Variants in STAG1 observed in about 807,000 individuals in gnomAD.
The protein encoded by STAG1 is STAG1 cohesin complex component.
In STAG1, 26 loss-of-function variants were observed where a neutral mutation model predicts 170.9. The observed-to-expected ratio is 0.15, with a 90% CI of 0.11 to 0.21. The LOEUF is 0.21. STAG1 is among the 10% of genes least tolerant of loss of function. The pLI, the probability that STAG1 is intolerant of heterozygous loss-of-function variation, is 1.00. For missense variants in STAG1, 964 were observed against 1,509.5 expected (o/e 0.64, Z 5.99); for synonymous variants, 514 against 497.7 (o/e 1.03, Z -0.44).
At chr3:136,615,846 T>C (rs1387558483) in intron 3 of STAG1, among the ~76,000 whole-genome samples, 5 of 140,908 alleles carry the variant, frequency 3.5e-5, no homozygotes, top group South Asian at 2.4e-4. Context: ...AAGGATGAAA[T>C]AGAAAAAGAC....
chr3:136,695,916 T>G, intron 1 of STAG1, among the ~76,000 whole-genome samples: 1 of 152,110 alleles, frequency 6.6e-6, no homozygotes. Context: ...TCACCTTGGA[T>G]CCCACTTCTG....
At chr3:136,625,866 A>C (rs550589869) in intron 2 of STAG1, among the ~76,000 whole-genome samples, 2 of 152,368 alleles carry the variant, frequency 1.3e-5, no homozygotes, top group Non-Finnish European at 2.9e-5. Context: ...TCTAACTTAT[A>C]TATCTTTAAA....
chr3:136,624,439 A>C (rs1940005095), intron 2 of STAG1, among the ~76,000 whole-genome samples: 2 of 152,226 alleles, frequency 1.3e-5, no homozygotes, highest in Non-Finnish European at 2.9e-5. Context: ...CTGATGAATG[A>C]ATAGGAATTT....
intron 9 of STAG1, among the ~76,000 whole-genome samples, chr3:136,494,971 C>G (rs763045637): frequency 5.3e-5 from 8 of 152,102 alleles, no homozygotes; most frequent in Non-Finnish European, 1.2e-4. Context: ...CAAGCTGACC[C>G]TAAGATTTAT....
At chr3:136,412,821 T>C (rs369369371) in intron 21 of STAG1, among the ~76,000 whole-genome samples, 6 of 149,908 alleles carry the variant, frequency 4.0e-5, no homozygotes, top group African/African-American at 1.5e-4. Context: ...GGTCCTAGGC[T>C]GAAAAAAAAT....
intron 4 of STAG1, among the ~76,000 whole-genome samples, chr3:136,580,884 ATTATTATT>A (rs1466174101): frequency 2.6e-5 from 4 of 151,944 alleles, no homozygotes; most frequent in African/African-American, 9.7e-5. Flanking sequence ...TTCTCATTGA[ATTATTATT>A]TTATTATTTA....
intron 5 of STAG1, among the ~76,000 whole-genome samples, chr3:136,542,898 T>A (rs1238996462): frequency 6.6e-6 from 1 of 152,104 alleles, no homozygotes; most frequent in Non-Finnish European, 1.5e-5. Context: ...AAAAAAAGTT[T>A]CCCGGTATCA....
Position 136,623,155 on chromosome 3 carries a change from G to A in STAG1, c.123C>T (p.Gly41=), listed in dbSNP as rs776335048. 1.2e-6 allele frequency: 2 copies of A among 1,613,100 alleles called. No homozygotes were observed. The highest frequency in any genetic ancestry group is 2.7e-5 in the African/African-American group (2 of 74,872). ...CAAGCATAATACATACTGGAGGCCG[G>A]CCAGGACGACCCCTTTTTCTTTTTC... The part of the protein sequence containing the change: ...VKGKRKRGRP[G]RPPSTNKKPR... The change falls in exon 3 of 34, where the codon GGC becomes GGT. Residue 41 remains glycine, a synonymous_variant. Coordinates refer to ENST00000383202, the MANE Select transcript of STAG1 (RefSeq NM_005862.3).
chr3:136,690,718 G>T (rs1576769022), intron 1 of STAG1, among the ~76,000 whole-genome samples: 3 of 152,092 alleles, frequency 2.0e-5, no homozygotes, highest in African/African-American at 7.2e-5. Context: ...CTGTGAGGAG[G>T]AAGAGTCAGC....
intron 25 of STAG1, among the ~76,000 whole-genome samples, chr3:136,365,233 C>T (rs1296383916): frequency 6.6e-6 from 1 of 152,040 alleles, no homozygotes; most frequent in East Asian, 1.9e-4. Flanking sequence ...TTATTTCCTG[C>T]TAAAGAGAAA....
intron 6 of STAG1, among the ~76,000 whole-genome samples, chr3:136,530,446 TTCA>T (rs1043159813): frequency 6.6e-6 from 1 of 152,178 alleles, no homozygotes; most frequent in African/African-American, 2.4e-5. Flanking sequence ...ATTGGGTGCG[TTCA>T]GGGTGGTATG....
intron 1 of STAG1, among the ~76,000 whole-genome samples, chr3:136,677,962 T>A (rs1942190828): frequency 6.8e-6 from 1 of 147,584 alleles, no homozygotes; most frequent in African/African-American, 2.5e-5. Context: ...TATATGTATA[T>A]AATATATATA....
chr3:136,377,354 T>A (rs1237785034), intron 23 of STAG1, among the ~76,000 whole-genome samples: 1 of 101,132 alleles, frequency 9.9e-6, no homozygotes, highest in African/African-American at 3.9e-5. Flanking sequence ...GCCACTGCAC[T>A]CCAGCCTGGG....
intron 14 of STAG1, among the ~76,000 whole-genome samples, chr3:136,443,613 G>T (rs778278965): frequency 4.6e-5 from 7 of 152,130 alleles, no homozygotes; most frequent in Non-Finnish European, 1.0e-4. Flanking sequence ...ATTTACAGTA[G>T]TAAAAGTAAG....
rs765243595 is a variant in STAG1 at position 136,367,024 on chromosome 3, T to G, written c.2604A>C (p.Leu868=). Residue 868 remains leucine, a synonymous_variant, in exon 25 of 34, where the codon CTA becomes CTC. Coordinates refer to ENST00000383202, the MANE Select transcript of STAG1 (RefSeq NM_005862.3). ...TGATAAGTTTGCTGAAAGCAGCAAG[T>G]AGATTCCTTCTTTTATGTAAGGCCT... The part of the protein sequence containing the change: ...KIEALHKRRN[L]LAAFSKLIIY... 6 of 1,610,926 alleles carry G rather than the reference T, an allele frequency of 3.7e-6. No homozygotes were observed. Among genetic ancestry groups the G allele is most frequent in the Non-Finnish European group, 5.1e-6 (6 of 1,177,692 alleles).
intron 7 of STAG1, among the ~76,000 whole-genome samples, chr3:136,504,152 C>T (rs1933637600): frequency 6.6e-6 from 1 of 152,138 alleles, no homozygotes; most frequent in Admixed American, 6.5e-5. Context: ...TTCGGAAACT[C>T]TATCTACATT....
In STAG1 at chr3:136,473,856, T is replaced by C. The variant is rs142043214; in HGVS notation, c.1027-219A>G. ...ACCTTAGTTACTTGAGAGTAAGTTATGCCTATTTTAAATATTTATCAACGC... is the reference window on the plus strand; with the variant it reads ...ACCTTAGTTACTTGAGAGTAAGTTACGCCTATTTTAAATATTTATCAACGC... On this transcript the variant is annotated intron_variant, in intron 10 of 33. Coordinates refer to ENST00000383202, the MANE Select transcript of STAG1 (RefSeq NM_005862.3). 3.9e-5 allele frequency among the ~76,000 whole-genome samples: 6 copies of C among 152,098 alleles called. No homozygotes were observed. The East Asian group carries it at 1.2e-3, about 29-fold the overall frequency.
intron 30 of STAG1, among the ~76,000 whole-genome samples, chr3:136,342,382 GATCTCA>G (rs1560044580): frequency 6.6e-6 from 1 of 151,942 alleles, no homozygotes; most frequent in Non-Finnish European, 1.5e-5. Context: ...GCAGTGGCAT[GATCTCA>G]GCTCACTACA....
chr3:136,563,911 T>A (rs1936949511), intron 5 of STAG1, among the ~76,000 whole-genome samples: 1 of 151,986 alleles, frequency 6.6e-6, no homozygotes. Context: ...TAATCCCAGC[T>A]ACTCGGGAGG....
Sources: gnomAD v4.1 joint callset for allele counts (sites outside exome capture counted in the v4.1 genomes callset) on GRCh38, gnomAD v4.1.1 for gene constraint, MANE v1.5 for transcripts, NCBI Gene and HGNC (gene_info 2026-07-23, HGNC 2026-07-21) for gene names.